Variants in GRM8 observed in about 807,000 individuals in gnomAD.
The protein encoded by GRM8 is metabotropic glutamate receptor 8.
GRM8 carries 47 observed loss-of-function variants against 87.2 expected under a neutral mutation model. The observed-to-expected ratio is 0.54, with a 90% CI of 0.43 to 0.69. GRM8 has a LOEUF of 0.69. Among genes scored for constraint, GRM8 ranks in the 30% least tolerant of loss-of-function variants. The pLI is 0.00. For missense variants in GRM8, 1,019 were observed against 1,139.2 expected (o/e 0.89, Z 1.52); for synonymous variants, 396 against 404.5 (o/e 0.98, Z 0.25).
At chr7:126,769,315 A>G (rs1818572734) in intron 7 of GRM8, among the ~76,000 whole-genome samples, 1 of 152,078 alleles carries the variant, frequency 6.6e-6, no homozygotes, top group Admixed American at 6.6e-5. Flanking sequence ...TTCTGCTTTT[A>G]CAGTATAAAA....
intron 7 of GRM8, among the ~76,000 whole-genome samples, chr7:126,644,341 G>A (rs1403846166): frequency 6.6e-6 from 1 of 152,144 alleles, no homozygotes; most frequent in Non-Finnish European, 1.5e-5. Flanking sequence ...TGTAGACAAA[G>A]TGTGAGAACT....
chr7:126,791,687 A>G (rs1425163311), intron 6 of GRM8, among the ~76,000 whole-genome samples: 1 of 152,252 alleles, frequency 6.6e-6, no homozygotes, highest in Non-Finnish European at 1.5e-5. Flanking sequence ...TTTTGTTGCC[A>G]TCAGGTGAAG....
intron 8 of GRM8, among the ~76,000 whole-genome samples, chr7:126,538,361 GAAGA>G (rs1232030529): frequency 2.0e-5 from 3 of 152,176 alleles, no homozygotes; most frequent in Admixed American, 2.0e-4. Context: ...AATAACTCCT[GAAGA>G]AAGGATTACA....
chr7:126,643,374 C>A (rs1802691089), intron 7 of GRM8, among the ~76,000 whole-genome samples: 1 of 70,842 alleles, frequency 1.4e-5, no homozygotes, highest in African/African-American at 5.7e-5. Flanking sequence ...GCAATGATCA[C>A]TGTAGGTAAA....
At chr7:126,480,805 G>A (rs1049491227) in intron 9 of GRM8, among the ~76,000 whole-genome samples, 1 of 152,052 alleles carries the variant, frequency 6.6e-6, no homozygotes, top group Non-Finnish European at 1.5e-5. Context: ...CTAGCTTTGA[G>A]AGAGCCTAGA....
rs150237280 is a variant in GRM8 at position 126,862,879 on chromosome 7, T to C, written c.1156+39663A>G. 8.5e-5 allele frequency among the ~76,000 whole-genome samples: 13 copies of C among 152,206 alleles called. No homozygotes were observed. The East Asian group carries it at 2.3e-3, about 27-fold the overall frequency. ...ATTGATCGATTTTGCCATGGGCTTGTCTATTTTAACATCCTTTTCAAAAAT... is the reference window on the plus strand; with the variant it reads ...ATTGATCGATTTTGCCATGGGCTTGCCTATTTTAACATCCTTTTCAAAAAT... On this transcript the variant is annotated intron_variant, in intron 6 of 10. Transcript: ENST00000339582.
intron 8 of GRM8, among the ~76,000 whole-genome samples, chr7:126,598,903 T>A (rs1012537648): frequency 6.6e-6 from 1 of 152,154 alleles, no homozygotes; most frequent in Admixed American, 6.6e-5. Flanking sequence ...TCTGATAAGA[T>A]GGTCCTCTGT....
chr7:127,250,769 T>G (rs1387862901), intron 1 of GRM8: 1 of 152,224 alleles, frequency 6.6e-6, no homozygotes, highest in Non-Finnish European at 1.5e-5. Flanking sequence ...CTGTAGCCAT[T>G]TGCAATTATT....
At chr7:126,898,893 T>C (rs1211841738) in intron 6 of GRM8, among the ~76,000 whole-genome samples, 1 of 152,260 alleles carries the variant, frequency 6.6e-6, no homozygotes, top group African/African-American at 2.4e-5. Context: ...AAGCCCCGCA[T>C]GCATTAGGTA....
intron 3 of GRM8, among the ~76,000 whole-genome samples, chr7:126,906,312 A>G (rs1802666160): frequency 1.3e-5 from 2 of 151,950 alleles, no homozygotes; most frequent in African/African-American, 2.4e-5. Flanking sequence ...GTATATGATA[A>G]TTTTTATTTT....
At chr7:127,048,819 G>GTATATTT (rs1304157567) in intron 3 of GRM8, among the ~76,000 whole-genome samples, 2 of 152,262 alleles carry the variant, frequency 1.3e-5, no homozygotes, top group African/African-American at 4.8e-5. Context: ...GACTAATCAT[G>GTATATTT]TATATTTTAT....
intron 3 of GRM8, among the ~76,000 whole-genome samples, chr7:127,059,206 T>A (rs1434250581): frequency 1.3e-5 from 2 of 151,976 alleles, no homozygotes; most frequent in East Asian, 3.8e-4. Flanking sequence ...AAGAAAAAAA[T>A]TCCACATTCA....
chr7:126,785,419 T>G (rs1989850), intron 6 of GRM8, among the ~76,000 whole-genome samples: 1 of 151,848 alleles, frequency 6.6e-6, no homozygotes, highest in Non-Finnish European at 1.5e-5. Flanking sequence ...TTAGTTGTAC[T>G]TCATACCAAT....
At chr7:126,559,545 C>T (rs923995156) in intron 8 of GRM8, among the ~76,000 whole-genome samples, 2 of 152,158 alleles carry the variant, frequency 1.3e-5, no homozygotes, top group Non-Finnish European at 1.5e-5. Flanking sequence ...ATTCAAACCT[C>T]GTCTCAATTA....
At chr7:127,230,580 C>T (rs1303302553) in intron 2 of GRM8, among the ~76,000 whole-genome samples, 1 of 152,132 alleles carries the variant, frequency 6.6e-6, no homozygotes, top group East Asian at 1.9e-4. Context: ...TGTTGAAATC[C>T]TAACCCTCAT....
chr7:126,511,122 G>C (rs1355295689), intron 9 of GRM8: 1 of 152,090 alleles, frequency 6.6e-6, no homozygotes, highest in African/African-American at 2.4e-5. Flanking sequence ...AGCAGGTAGT[G>C]GGTTGTAGGG....
chr7:127,094,532 T>C (rs991789904), intron 3 of GRM8, among the ~76,000 whole-genome samples: 12 of 152,222 alleles, frequency 7.9e-5, no homozygotes, highest in African/African-American at 2.2e-4. Flanking sequence ...GTGATGCTTC[T>C]ACTTGCCAAG....
chr7:126,585,817 G>A (rs1796061188), intron 8 of GRM8, among the ~76,000 whole-genome samples: 1 of 152,134 alleles, frequency 6.6e-6, no homozygotes, highest in African/African-American at 2.4e-5. Context: ...CATAGTGTTG[G>A]AAGTTATGGC....
intron 3 of GRM8, among the ~76,000 whole-genome samples, chr7:126,950,055 C>T (rs895794190): frequency 6.6e-6 from 1 of 152,134 alleles, no homozygotes; most frequent in East Asian, 1.9e-4. Flanking sequence ...AGCAATGGCT[C>T]GATTCCTTGA....
Sources: allele counts gnomAD v4.1 joint callset (sites outside exome capture counted in the v4.1 genomes callset), GRCh38; gene constraint gnomAD v4.1.1; transcripts MANE v1.5; gene names NCBI Gene and HGNC (gene_info 2026-07-23, HGNC 2026-07-21).